Variants in ZMYM2 observed in about 807,000 individuals in gnomAD.
ZMYM2 encodes zinc finger MYM-type containing 2.
ZMYM2 carries 56 observed loss-of-function variants against 162.8 expected under a neutral mutation model. That is an observed-to-expected ratio of 0.34 (90% confidence interval 0.28 to 0.43). The LOEUF is 0.43. Among genes scored for constraint, ZMYM2 ranks in the 20% least tolerant of loss-of-function variants. The probability of loss-of-function intolerance (pLI) is 1.00; values close to 1 mark genes in which losing one functional copy is unlikely to be tolerated. For missense variants in ZMYM2, 1,275 were observed against 1,621.8 expected (o/e 0.79, Z 3.67); for synonymous variants, 510 against 541.6 (o/e 0.94, Z 0.81).
chr13:19,976,342 A>G (rs926005963), intron 2 of ZMYM2, among the ~76,000 whole-genome samples: 7 of 151,748 alleles, frequency 4.6e-5, no homozygotes, highest in African/African-American at 1.7e-4. Flanking sequence ...AAAAAAAAGA[A>G]AGAAAGAAAG....
At chr13:20,071,915 C>A in intron 21 of ZMYM2, 1 of 192,074 alleles carries the variant, frequency 5.2e-6, no homozygotes, top group Non-Finnish European at 1.1e-5. Context: ...CAATGGCCAG[C>A]ACTTTCTAGT....
the ZMYM2 span, among the ~76,000 whole-genome samples, chr13:19,916,330 A>C: frequency 2.0e-5 from 3 of 152,182 alleles, no homozygotes; most frequent in African/African-American, 7.2e-5. Context: ...TAGAACTAGA[A>C]ATACCATTTG....
At position 20,087,323 on chromosome 13, in the gene ZMYM2, T is replaced by C; in HGVS notation, c.*1309T>C. On this transcript the variant is annotated 3_prime_UTR_variant, in exon 25 of 25. Coordinates refer to ENST00000610343, the MANE Select transcript of ZMYM2 (RefSeq NM_197968.4). ...GCATAGCAATTTATCCATTCAGACC[T>C]TTTCTTTTAGAATAAGGAAACTTAA... The C allele has an allele frequency of 5.3e-6, 1 of 188,468 alleles. No individual in the cohort carries two copies. Among genetic ancestry groups the C allele is most frequent in the Non-Finnish European group, 1.1e-5 (1 of 89,390 alleles). 11.7% of individuals were successfully genotyped at this position (188,468 alleles called of 1,614,324 possible). A position where few individuals can be genotyped will look rare whatever the true frequency, so the allele number is the denominator to read the frequency against.
At chr13:19,979,428 CTTTTTTT>C (rs71763618) in intron 2 of ZMYM2, among the ~76,000 whole-genome samples, 1 of 110,850 alleles carries the variant, frequency 9.0e-6, no homozygotes, top group Non-Finnish European at 1.9e-5. Context: ...TTTTTCTGCA[CTTTTTTT>C]TTTTTTTTTT....
the ZMYM2 span, among the ~76,000 whole-genome samples, chr13:19,934,822 A>G: frequency 6.8e-6 from 1 of 148,078 alleles, no homozygotes; most frequent in Admixed American, 6.8e-5. Flanking sequence ...GCTGGAGTCC[A>G]GTGGCACCAT....
intron 11 of ZMYM2, among the ~76,000 whole-genome samples, chr13:20,036,446 A>G (rs538658158): frequency 1.5e-4 from 23 of 152,224 alleles, no homozygotes; most frequent in Middle Eastern, 3.4e-3. Context: ...CTATCTGTCT[A>G]TTTCCCAGGC....
chr13:19,869,388 G>T, the ZMYM2 span, among the ~76,000 whole-genome samples: 1 of 152,124 alleles, frequency 6.6e-6, no homozygotes, highest in South Asian at 2.1e-4. Context: ...TCAGTGTTAA[G>T]ATATTCTGAC....
At chr13:20,029,254 G>A (rs73440140) in intron 9 of ZMYM2, among the ~76,000 whole-genome samples, 3,263 of 152,288 alleles carry the variant, frequency 0.021, 116 homozygotes, top group African/African-American at 0.075. Flanking sequence ...TGAAGGTAGC[G>A]AATGAGCTCC....
chr13:20,047,274 T>C (rs747500627), intron 12 of ZMYM2, among the ~76,000 whole-genome samples: 8 of 152,214 alleles, frequency 5.3e-5, no homozygotes, highest in South Asian at 2.1e-4. Context: ...TATTTTCTTA[T>C]ACCCCCCCAT....
intron 21 of ZMYM2, among the ~76,000 whole-genome samples, chr13:20,072,713 T>A (rs1411117324): frequency 6.6e-6 from 1 of 152,102 alleles, no homozygotes; most frequent in Non-Finnish European, 1.5e-5. Flanking sequence ...TGGTTTTTAA[T>A]CACTTAATCA....
intron 14 of ZMYM2, 81 bp downstream of exon 14, chr13:20,052,392 C>T (rs919499005): frequency 7.7e-7 from 1 of 1,302,174 alleles, no homozygotes; most frequent in South Asian, 1.5e-5. Context: ...TTAATGTGAT[C>T]ATAATAGTAA....
At chr13:19,877,211 C>CAA in the ZMYM2 span, among the ~76,000 whole-genome samples, 3,958 of 125,746 alleles carry the variant, frequency 0.031, 98 homozygotes, top group East Asian at 0.076. Flanking sequence ...GACTCCGTCT[C>CAA]AAAAAAAAAA....
chr13:19,937,359 T>A, the ZMYM2 span, among the ~76,000 whole-genome samples: 4 of 151,708 alleles, frequency 2.6e-5, no homozygotes, highest in East Asian at 1.9e-4. Context: ...AGGCTGGTCT[T>A]GAACTCCTGA....
chr13:19,939,739 T>A, the ZMYM2 span, among the ~76,000 whole-genome samples: 1 of 152,240 alleles, frequency 6.6e-6, no homozygotes. Flanking sequence ...TGAAAAAGAA[T>A]GAAATGAGGA....
At chr13:19,923,858 A>T in the ZMYM2 span, among the ~76,000 whole-genome samples, 1 of 151,740 alleles carries the variant, frequency 6.6e-6, no homozygotes, top group Non-Finnish European at 1.5e-5. Context: ...TTTGGTATAG[A>T]CAGGGTTTCG....
At chr13:19,923,037 AAAG>A in the ZMYM2 span, among the ~76,000 whole-genome samples, 4 of 149,388 alleles carry the variant, frequency 2.7e-5, no homozygotes, top group South Asian at 4.2e-4. Context: ...AAAAAAAAAA[AAAG>A]AAACAAAGAA....
the ZMYM2 span, among the ~76,000 whole-genome samples, chr13:19,889,307 A>ATTTAT: frequency 3.3e-5 from 5 of 151,732 alleles, no homozygotes; most frequent in African/African-American, 4.9e-5. Flanking sequence ...TTGTTTTGGA[A>ATTTAT]TTTATTTTAT....
At chr13:19,926,593 T>C in the ZMYM2 span, among the ~76,000 whole-genome samples, 1 of 150,098 alleles carries the variant, frequency 6.7e-6, no homozygotes, top group Non-Finnish European at 1.5e-5. Context: ...TGAACTCCTG[T>C]CCTCAAGTGA....
At chr13:19,977,233 T>G (rs534987010) in intron 2 of ZMYM2, among the ~76,000 whole-genome samples, 25 of 152,098 alleles carry the variant, frequency 1.6e-4, no homozygotes, top group Non-Finnish European at 2.8e-4. Context: ...GTTGCCTAGG[T>G]TGGTCTCAAA....
Sources: allele counts gnomAD v4.1 joint callset (sites outside exome capture counted in the v4.1 genomes callset), GRCh38; gene constraint gnomAD v4.1.1; transcripts MANE v1.5; gene names NCBI Gene and HGNC (gene_info 2026-07-23, HGNC 2026-07-21).